TCAF1: variants seen among roughly 807,000 people sequenced by gnomAD.
TCAF1 encodes TRPM8 channel associated factor 1.
TCAF1 carries 4 observed loss-of-function variants against 27.3 expected under a neutral mutation model. The ratio of observed to expected loss-of-function variants is 0.15; its 90% CI spans 0.07 to 0.34. The LOEUF is 0.34. TCAF1 is among the 10% of genes least tolerant of loss of function. The pLI, the probability that TCAF1 is intolerant of heterozygous loss-of-function variation, is 1.00. For synonymous variants in TCAF1, 105 were observed against 167.1 expected (o/e 0.63, Z 2.87); for missense variants, 257 against 425.8 (o/e 0.60, Z 3.49).
intron 1 of TCAF1, among the ~76,000 whole-genome samples, chr7:143,896,160 TAGAGTC>T (rs1813862626): frequency 6.6e-6 from 1 of 151,764 alleles, no homozygotes; most frequent in South Asian, 2.1e-4. Context: ...TCTGAAGAGT[TAGAGTC>T]AAACGATAAA....
chr7:143,860,026 ATT>A lies in TCAF1; in HGVS notation c.2167+180_2167+181del, dbSNP rs1491488758. On this transcript the variant is annotated intron_variant, in intron 6 of 8. Coordinates refer to ENST00000479870, the MANE Select transcript of TCAF1 (RefSeq NM_014719.3). ...AATATATATATAATATATATTATAT[ATT>A]ATATATATAATATATAATATATATT... Among the ~76,000 whole-genome samples the A allele has an allele frequency of 8.6e-4, 55 of 63,690 alleles. 4 individuals carry two copies. The highest frequency in any genetic ancestry group is 5.0e-3 in the South Asian group (12 of 2,406). 41.8% of individuals were successfully genotyped at this position (63,690 alleles called of 152,430 possible). A position where few individuals can be genotyped will look rare whatever the true frequency, so the allele number is the denominator to read the frequency against.
chr7:143,886,700 CTTTTTTTTTTT>C (rs11398264), intron 1 of TCAF1, among the ~76,000 whole-genome samples: 3 of 89,164 alleles, frequency 3.4e-5, no homozygotes, highest in Non-Finnish European at 6.1e-5. Flanking sequence ...CAAATTTTAC[CTTTTTTTTTTT>C]TTTTTTTTTT....
At chr7:143,885,899 C>T (rs1347757029) in intron 1 of TCAF1, among the ~76,000 whole-genome samples, 1 of 152,108 alleles carries the variant, frequency 6.6e-6, no homozygotes, top group Non-Finnish European at 1.5e-5. Context: ...AATAGTCACA[C>T]GCATTATTTT....
chr7:143,886,933 C>T (rs1159510059), intron 1 of TCAF1, among the ~76,000 whole-genome samples: 1 of 149,004 alleles, frequency 6.7e-6, no homozygotes, highest in Non-Finnish European at 1.5e-5. Flanking sequence ...TCTTGAAGTC[C>T]TGGGCTCAAG....
chr7:143,901,476 T>C (rs781748960), intron 1 of TCAF1, among the ~76,000 whole-genome samples: 3 of 152,176 alleles, frequency 2.0e-5, no homozygotes, highest in Non-Finnish European at 4.4e-5. Flanking sequence ...CATTCCAGAC[T>C]AACATTCAGC....
intron 2 of TCAF1, among the ~76,000 whole-genome samples, chr7:143,869,059 G>A (rs1440116642): frequency 1.4e-5 from 1 of 70,770 alleles, no homozygotes; most frequent in African/African-American, 4.9e-5. Context: ...GCTGAGTACA[G>A]AGGCACGGTC....
chr7:143,885,476 C>A (rs1562968732), intron 1 of TCAF1: 9 of 985,270 alleles, frequency 9.1e-6, no homozygotes, highest in African/African-American at 1.7e-5. Flanking sequence ...GTTTCTACCC[C>A]AAGATGCCGC....
At chr7:143,883,519 T>G (rs983256047) in intron 1 of TCAF1, among the ~76,000 whole-genome samples, 1 of 145,822 alleles carries the variant, frequency 6.9e-6, no homozygotes, top group East Asian at 2.0e-4. Context: ...TTTTTTTTTT[T>G]TTTTGAGACG....
chr7:143,869,134 C>A (rs1435648364), intron 2 of TCAF1, among the ~76,000 whole-genome samples: 3 of 146,134 alleles, frequency 2.1e-5, no homozygotes, highest in Non-Finnish European at 3.0e-5. Context: ...TCCCCAGTAG[C>A]TCGGACTACA....
chr7:143,898,500 T>C (rs961680927), intron 1 of TCAF1, among the ~76,000 whole-genome samples: 3 of 152,162 alleles, frequency 2.0e-5, no homozygotes, highest in African/African-American at 7.2e-5. Flanking sequence ...TTGATTGATA[T>C]ATAATTAATA....
chr7:143,876,681 T>C, intron 1 of TCAF1, 59 bp from the exon 2 acceptor site: 1 of 1,349,600 alleles, frequency 7.4e-7, no homozygotes. Flanking sequence ...AAGAAACAAA[T>C]AGAGCAGTTC....
Position 143,876,641 on chromosome 7 carries a change from A to C in TCAF1, c.-14-19T>G, listed in dbSNP as rs1812735311. ...TTGGTTTCTGCAGAGAAGAAAGCAA[A>C]GGCTCAGCTTAGCGAAGAATGGATA... On this transcript the variant is annotated intron_variant, in intron 1 of 8. Transcript: ENST00000479870. 6.8e-7 allele frequency: 1 copy of C among 1,476,486 alleles called. No individual in the cohort carries two copies. The highest frequency in any genetic ancestry group is 1.4e-5 in the African/African-American group (1 of 71,210). 91.5% of individuals were successfully genotyped at this position (1,476,486 alleles called of 1,614,324 possible). A position where few individuals can be genotyped will look rare whatever the true frequency, so the allele number is the denominator to read the frequency against.
At chr7:143,893,596 A>G (rs1813744491) in intron 1 of TCAF1, among the ~76,000 whole-genome samples, 1 of 152,028 alleles carries the variant, frequency 6.6e-6, no homozygotes, top group Non-Finnish European at 1.5e-5. Context: ...GAAATAAATA[A>G]TTTTTATTTA....
intron 1 of TCAF1, among the ~76,000 whole-genome samples, chr7:143,895,758 G>C (rs1472616985): frequency 6.6e-6 from 1 of 151,228 alleles, no homozygotes; most frequent in African/African-American, 2.4e-5. Flanking sequence ...AAGGTACTAA[G>C]GATCAATTTA....
intron 1 of TCAF1, chr7:143,885,365 A>G (rs1317691309): frequency 1.1e-6 from 1 of 944,298 alleles, no homozygotes; most frequent in Non-Finnish European, 1.3e-6. Context: ...TGCAGTGCAG[A>G]CGGTTGGGGG....
intron 1 of TCAF1, chr7:143,885,522 C>CA: frequency 1.0e-6 from 1 of 985,394 alleles, no homozygotes; most frequent in Non-Finnish European, 1.2e-6. Flanking sequence ...CGCCCGCCCT[C>CA]AGAGTGCAGC....
rs187917991 is a variant in TCAF1 at position 143,900,194 on chromosome 7, G to C, written c.-15+1767C>G. ...TTAGAGGACATGGGCAGGCTTTAAAGTGGCCCCGATAATCCCTGCCTCCAG... is the reference window on the plus strand; with the variant it reads ...TTAGAGGACATGGGCAGGCTTTAAACTGGCCCCGATAATCCCTGCCTCCAG... On this transcript the variant is annotated intron_variant, in intron 1 of 8. Transcript: ENST00000479870. Among the ~76,000 whole-genome samples the C allele has an allele frequency of 2.6e-5, 4 of 152,342 alleles. No individual in the cohort carries two copies. The East Asian group carries it at 7.7e-4, about 29-fold the overall frequency.
chr7:143,859,801 C>A (rs1261803534), intron 6 of TCAF1, among the ~76,000 whole-genome samples: 1 of 149,280 alleles, frequency 6.7e-6, no homozygotes, highest in Non-Finnish European at 1.5e-5. Context: ...TGATGAATAC[C>A]TGTGAAAGCT....
intron 1 of TCAF1, among the ~76,000 whole-genome samples, chr7:143,886,208 C>T (rs1353839496): frequency 6.6e-6 from 1 of 152,146 alleles, no homozygotes; most frequent in African/African-American, 2.4e-5. Flanking sequence ...ATTTGCATGG[C>T]CCCTGTCCTG....
Sources: allele counts gnomAD v4.1 joint callset (sites outside exome capture counted in the v4.1 genomes callset), GRCh38; gene constraint gnomAD v4.1.1; transcripts MANE v1.5; gene names NCBI Gene and HGNC (gene_info 2026-07-23, HGNC 2026-07-21).